PRKCB: variants seen among roughly 807,000 people sequenced by gnomAD.
PRKCB encodes protein kinase C beta.
PRKCB carries 13 observed loss-of-function variants against 81.5 expected under a neutral mutation model. The observed-to-expected ratio is 0.16, with a 90% CI of 0.10 to 0.25. The LOEUF is 0.25. PRKCB is among the 10% of genes least tolerant of loss of function. PRKCB has a pLI of 1.00. For synonymous variants in PRKCB, 335 were observed against 321.4 expected (o/e 1.04, Z -0.45); for missense variants, 509 against 875.7 (o/e 0.58, Z 5.29).
At position 24,220,208 on chromosome 16, in the gene PRKCB, T is replaced by G; in HGVS notation, c.*5392T>G. The G allele has an allele frequency of 6.8e-7, 1 of 1,465,360 alleles. No homozygotes were observed. Among genetic ancestry groups the G allele is most frequent in the Non-Finnish European group, 9.3e-7 (1 of 1,073,238 alleles). 90.8% of individuals were successfully genotyped at this position (1,465,360 alleles called of 1,614,324 possible). On this transcript the variant is annotated 3_prime_UTR_variant, in exon 17 of 17. Transcript: ENST00000643927. ...CTTCCAGGATTCACGGTGCACATGC[T>G]GGCATTCAACATGTGGAAAGCTTGT... is the stretch of plus-strand genomic sequence containing the variant.
rs965499649 is a variant in PRKCB at position 24,215,097 on chromosome 16, A to T, written c.*281A>T. 55 of 1,129,122 alleles carry T rather than the reference A, an allele frequency of 4.9e-5. No individual in the cohort carries two copies. In the African/African-American group the frequency reaches 8.1e-4, roughly 17 times the overall value. The allele number at this position is 1,129,122 out of a possible 1,614,324, so 69.9% of individuals were successfully genotyped here. On this transcript the variant is annotated 3_prime_UTR_variant, in exon 17 of 17. Coordinates refer to ENST00000643927, the MANE Select transcript of PRKCB (RefSeq NM_002738.7). ...GCAGCATGTCAGCTAAGTAGACCCAATGGGGAGAGAAAATGCCTGCTTTCT... is the reference window on the plus strand; with the variant it reads ...GCAGCATGTCAGCTAAGTAGACCCATTGGGGAGAGAAAATGCCTGCTTTCT...
chr16:23,866,752 A>G (rs193095332), intron 2 of PRKCB, among the ~76,000 whole-genome samples: 16 of 152,314 alleles, frequency 1.1e-4, no homozygotes, highest in Non-Finnish European at 1.8e-4. Context: ...GGTTTTGCCA[A>G]ATGTTCTCCA....
intron 5 of PRKCB, among the ~76,000 whole-genome samples, chr16:24,083,697 AGAG>A (rs1222386391): frequency 1.3e-5 from 2 of 152,174 alleles, no homozygotes; most frequent in African/African-American, 2.4e-5. Flanking sequence ...ATGTGACTAT[AGAG>A]GAGAAGTATG....
chr16:23,949,510 C>T (rs1290039459), intron 2 of PRKCB, among the ~76,000 whole-genome samples: 1 of 152,220 alleles, frequency 6.6e-6, no homozygotes, highest in Non-Finnish European at 1.5e-5. Flanking sequence ...CTCCGTTCTG[C>T]CCCTCTTTTT....
chr16:24,207,271 T>C lies in PRKCB; in HGVS notation c.1864-7387T>C, dbSNP rs1968060170. ...CAAATACTCCCATTCTCTTTATTTC[T>C]ATTTTTCAATTTCTTCCATGATAAT... On this transcript the variant is annotated intron_variant, in intron 16 of 16. Transcript: ENST00000643927. Among the ~76,000 whole-genome samples the C allele has an allele frequency of 2.0e-5, 3 of 152,248 alleles. No individual in the cohort carries two copies. In the South Asian group the frequency reaches 6.2e-4, roughly 31 times the overall value.
intron 2 of PRKCB, among the ~76,000 whole-genome samples, chr16:23,949,260 T>G (rs1964245065): frequency 6.6e-6 from 1 of 152,042 alleles, no homozygotes; most frequent in Non-Finnish European, 1.5e-5. Flanking sequence ...AAAGAACGAA[T>G]GAAAGAAAGG....
At chr16:24,164,101 C>T (rs1596577045) in intron 10 of PRKCB, among the ~76,000 whole-genome samples, 1 of 152,188 alleles carries the variant, frequency 6.6e-6, no homozygotes, top group Non-Finnish European at 1.5e-5. Flanking sequence ...GAGCTGCCCA[C>T]GTGGTCGGTT....
chr16:23,998,094 A>C (rs1250658541), intron 3 of PRKCB, among the ~76,000 whole-genome samples: 1 of 152,222 alleles, frequency 6.6e-6, no homozygotes, highest in Non-Finnish European at 1.5e-5. Context: ...GACTCAGAAC[A>C]AAAAGGCAGA....
chr16:24,094,005 C>G (rs986842078), intron 6 of PRKCB, among the ~76,000 whole-genome samples, 158 bp from the exon 7 acceptor site: 3 of 152,236 alleles, frequency 2.0e-5, no homozygotes, highest in Non-Finnish European at 4.4e-5. Flanking sequence ...AGCTCTCACT[C>G]CCTGGAGAGC....
intron 3 of PRKCB, among the ~76,000 whole-genome samples, chr16:24,012,174 C>T (rs969570198): frequency 6.6e-6 from 1 of 152,202 alleles, no homozygotes; most frequent in African/African-American, 2.4e-5. Flanking sequence ...TGGCCAAATC[C>T]TATAGTGCCT....
At chr16:24,029,029 G>A (rs1567350034) in intron 3 of PRKCB, among the ~76,000 whole-genome samples, 1 of 152,110 alleles carries the variant, frequency 6.6e-6, no homozygotes, top group Admixed American at 6.5e-5. Context: ...GACCTCAAGC[G>A]ATCTGCCCGC....
chr16:24,214,120 T>C (rs1273019967), intron 16 of PRKCB, among the ~76,000 whole-genome samples: 1 of 152,176 alleles, frequency 6.6e-6, no homozygotes, highest in African/African-American at 2.4e-5. Flanking sequence ...TGGCTGGAGT[T>C]TATAAATTGT....
intron 5 of PRKCB, among the ~76,000 whole-genome samples, chr16:24,039,561 G>A (rs1326094368): frequency 1.3e-5 from 2 of 152,164 alleles, no homozygotes; most frequent in Non-Finnish European, 2.9e-5. Flanking sequence ...CCCAGTCCAT[G>A]GTATTCTGTT....
chr16:24,183,695 T>C (rs1404148681), intron 13 of PRKCB, among the ~76,000 whole-genome samples: 1 of 152,214 alleles, frequency 6.6e-6, no homozygotes, highest in East Asian at 1.9e-4. Context: ...CTTCATGATA[T>C]AGAGATTATA....
intron 14 of PRKCB, 84 bp from the exon 15 acceptor site, chr16:24,185,376 G>A: frequency 2.2e-6 from 3 of 1,343,034 alleles, no homozygotes; most frequent in Non-Finnish European, 3.2e-6. Flanking sequence ...GTGGGCCCCA[G>A]GGAGGAGGGT....
chr16:24,168,085 C>A (rs1182413673), intron 10 of PRKCB, among the ~76,000 whole-genome samples: 1 of 152,148 alleles, frequency 6.6e-6, no homozygotes, highest in African/African-American at 2.4e-5. Flanking sequence ...AGATAAAGTT[C>A]TATGTGCTGT....
chr16:23,866,582 T>C (rs1401121156), intron 2 of PRKCB, among the ~76,000 whole-genome samples: 1 of 152,240 alleles, frequency 6.6e-6, no homozygotes, highest in African/African-American at 2.4e-5. Flanking sequence ...CACTTCCCTG[T>C]TGATGAACAT....
At chr16:23,845,751 T>G (rs182663663) in intron 2 of PRKCB, among the ~76,000 whole-genome samples, 1 of 152,360 alleles carries the variant, frequency 6.6e-6, no homozygotes. Flanking sequence ...TACCTTGAGA[T>G]GGCTTCTTTC....
In PRKCB at chr16:23,950,132, ATTT is replaced by A. The variant is rs34117735; in HGVS notation, c.206-38352_206-38350del. Among the ~76,000 whole-genome samples, 21 of 97,770 alleles carry A rather than the reference ATTT, an allele frequency of 2.1e-4. 3 individuals are homozygous for A. Among genetic ancestry groups the A allele is most frequent in the South Asian group, 6.9e-4 (2 of 2,910 alleles). 64.1% of individuals were successfully genotyped at this position (97,770 alleles called of 152,430 possible). A position where few individuals can be genotyped will look rare whatever the true frequency, so the allele number is the denominator to read the frequency against. On this transcript the variant is annotated intron_variant, in intron 2 of 16. Transcript: ENST00000643927. ...AGCAGCATTGGCCCCTATGATTTGA[ATTT>A]TTTTTTTTTTTTTTTTTTTTTTTCT...
Sources: allele counts gnomAD v4.1 joint callset (sites outside exome capture counted in the v4.1 genomes callset), GRCh38; gene constraint gnomAD v4.1.1; transcripts MANE v1.5; gene names NCBI Gene and HGNC (gene_info 2026-07-23, HGNC 2026-07-21).